The following ANKRD11 variants were observed in gnomAD, a reference collection of about 807,000 sequenced individuals.
ANKRD11 encodes the protein ankyrin repeat domain 11, also known as ankyrin repeat domain-containing protein 11.
A neutral mutation model predicts 195.7 loss-of-function variants in ANKRD11; 17 were observed. That is an observed-to-expected ratio of 0.09 (90% CI 0.06 to 0.13). The LOEUF is 0.13. ANKRD11 is among the 10% of genes least tolerant of loss of function. The pLI is 1.00. For synonymous variants in ANKRD11, 1,953 were observed against 1,528.1 expected (o/e 1.28, Z -6.49); for missense variants, 3,735 against 3,566.1 (o/e 1.05, Z -1.21).
At chr16:89,327,527 A>C (rs2037799191) in intron 2 of ANKRD11, among the ~76,000 whole-genome samples, 1 of 152,156 alleles carries the variant, frequency 6.6e-6, no homozygotes, top group Non-Finnish European at 1.5e-5. Context: ...CAGCAAGGAC[A>C]CAGAATCCAA....
intron 1 of ANKRD11, 37 bp from the exon 2 acceptor site, chr16:89,418,405 T>TTG (rs1292684033): frequency 4.7e-6 from 2 of 424,266 alleles, no homozygotes; most frequent in African/African-American, 4.1e-5. Context: ...ATGTCAATAA[T>TTG]AATTTCAGCC....
At position 89,380,529 on chromosome 16, in the gene ANKRD11, G is replaced by A. The variant is rs140090043; in HGVS notation, c.-60+37755C>T. Among the ~76,000 whole-genome samples, 128 of 150,512 alleles carry A rather than the reference G, an allele frequency of 8.5e-4. 3 individuals carry two copies. The East Asian group carries it at 0.022, about 26-fold the overall frequency. On this transcript the variant is annotated intron_variant, in intron 2 of 12. Transcript: ENST00000301030. ...AGCAGTCTCCACCTGCATAAGAAACGGGACACAGGGCACGAAGAGCAGCCC... is the reference window on the plus strand; with the variant it reads ...AGCAGTCTCCACCTGCATAAGAAACAGGACACAGGGCACGAAGAGCAGCCC...
intron 2 of ANKRD11, among the ~76,000 whole-genome samples, chr16:89,397,023 A>AT (rs4031015): frequency 0.073 from 10,697 of 147,140 alleles, 506 homozygotes; most frequent in East Asian, 0.21. Context: ...AAAATACAGG[A>AT]TTTTTTTTTT....
In ANKRD11 at chr16:89,334,849, T is replaced by C. The variant is rs184947264; in HGVS notation, c.-59-17771A>G. The stretch of plus-strand genomic sequence containing the variant: ...ACAACACACGGGGCGCACGTGTCCA[T>C]AGACAGCACACTGGATTCGAAGAGC... On this transcript the variant is annotated intron_variant, in intron 2 of 12. Coordinates refer to ENST00000301030, the MANE Select transcript of ANKRD11 (RefSeq NM_013275.6). Among the ~76,000 whole-genome samples the C allele has an allele frequency of 3.2e-3, 493 of 152,180 alleles. 2 individuals carry two copies. The highest frequency in any genetic ancestry group is 0.011 in the African/African-American group (472 of 41,514).
intron 2 of ANKRD11, among the ~76,000 whole-genome samples, chr16:89,407,142 G>C (rs910144106): frequency 6.6e-6 from 1 of 151,826 alleles, no homozygotes. Flanking sequence ...GTTGAGACGT[G>C]CCACTGCACT....
At chr16:89,388,027 A>AG (rs1404768932) in intron 2 of ANKRD11, among the ~76,000 whole-genome samples, 1 of 151,808 alleles carries the variant, frequency 6.6e-6, no homozygotes, top group Non-Finnish European at 1.5e-5. Context: ...AAAAAAAAAA[A>AG]GGACTGTGCT....
intron 2 of ANKRD11, among the ~76,000 whole-genome samples, chr16:89,376,053 C>T (rs1423807030): frequency 2.6e-5 from 4 of 152,198 alleles, no homozygotes; most frequent in South Asian, 4.1e-4. Context: ...AAGCCATCAC[C>T]GCAGCTACAG....
intron 1 of ANKRD11, among the ~76,000 whole-genome samples, chr16:89,450,978 G>C (rs2044043815): frequency 6.6e-6 from 1 of 152,176 alleles, no homozygotes; most frequent in East Asian, 1.9e-4. Flanking sequence ...AATCAGAGGT[G>C]ATCGGGGTGA....
At chr16:89,410,736 G>C (rs1174303013) in intron 2 of ANKRD11, among the ~76,000 whole-genome samples, 4 of 152,208 alleles carry the variant, frequency 2.6e-5, no homozygotes, top group Non-Finnish European at 2.9e-5. Flanking sequence ...AGCATCCTTG[G>C]ATTTACAAAG....
chr16:89,283,574 C>T lies in ANKRD11; in HGVS notation c.2968G>A (p.Asp990Asn), dbSNP rs2034435429. 3.1e-6 allele frequency: 5 copies of T among 1,610,634 alleles called. No individual in the cohort carries two copies. Among genetic ancestry groups the T allele is most frequent in the Non-Finnish European group, 1.7e-6 (2 of 1,180,022 alleles). ...GCESGFKDKS[D>N]GDFGKGLEPW... is the part of the protein sequence containing the mutation. Reference sequence around the variant, plus strand: ...TCCAGGCCCTTCCCAAAGTCGCCGTCGGACTTGTCCTTGAAGCCACTCTCG... The same window carrying T: ...TCCAGGCCCTTCCCAAAGTCGCCGTTGGACTTGTCCTTGAAGCCACTCTCG... Residue 990 changes from aspartate (D) to asparagine (N), a missense_variant, in exon 9 of 13, where the codon GAC becomes AAC. Transcript: ENST00000301030. This position sits in a 1 kb window ranked among gnomAD's most constrained non-coding sequence, Gnocchi z 4.3.
At chr16:89,299,696 C>G (rs115298459) in intron 4 of ANKRD11, 5 of 96,274 alleles carry the variant, frequency 5.2e-5, no homozygotes, top group Non-Finnish European at 7.4e-5. Flanking sequence ...GTGTGGGATG[C>G]CTGCCCTGTG....
chr16:89,334,421 G>T (rs544261082), intron 2 of ANKRD11, among the ~76,000 whole-genome samples: 7 of 152,184 alleles, frequency 4.6e-5, no homozygotes, highest in African/African-American at 1.7e-4. Context: ...ACCCCTCCAA[G>T]CCTGCCATTC....
chr16:89,376,115 G>T (rs914580462), intron 2 of ANKRD11, among the ~76,000 whole-genome samples: 5 of 152,174 alleles, frequency 3.3e-5, no homozygotes, highest in Non-Finnish European at 7.3e-5. Context: ...CACTGAAAAC[G>T]CAGCTTTAAA....
intron 2 of ANKRD11, among the ~76,000 whole-genome samples, chr16:89,389,865 G>C (rs1395559411): frequency 7.3e-6 from 1 of 136,180 alleles, no homozygotes; most frequent in Non-Finnish European, 1.6e-5. Flanking sequence ...AGAGAAAGAA[G>C]ATCACTGGGG....
intron 1 of ANKRD11, among the ~76,000 whole-genome samples, chr16:89,425,588 G>A (rs1183659784): frequency 6.6e-6 from 1 of 152,172 alleles, no homozygotes. Context: ...CCATTCTCCT[G>A]ACCTCGGTCG....
At chr16:89,443,236 A>T (rs1175950925) in intron 1 of ANKRD11, 1 of 152,142 alleles carries the variant, frequency 6.6e-6, no homozygotes, top group Non-Finnish European at 1.5e-5. Flanking sequence ...AAGTGCTGGG[A>T]TTACAGGTGT....
chr16:89,363,252 C>G (rs1369567158), intron 2 of ANKRD11, among the ~76,000 whole-genome samples: 1 of 152,130 alleles, frequency 6.6e-6, no homozygotes, highest in Non-Finnish European at 1.5e-5. Flanking sequence ...TTCCTATACT[C>G]TGCCTTCTGA....
At chr16:89,440,265 C>G (rs1387102044) in intron 1 of ANKRD11, among the ~76,000 whole-genome samples, 3 of 152,060 alleles carry the variant, frequency 2.0e-5, no homozygotes, top group African/African-American at 7.2e-5. Context: ...GTACATGTTC[C>G]CCTGGGGGGA....
chr16:89,452,193 G>A (rs1299888455), intron 1 of ANKRD11, among the ~76,000 whole-genome samples: 1 of 151,742 alleles, frequency 6.6e-6, no homozygotes, highest in Admixed American at 6.6e-5. Flanking sequence ...GGGAGGTGGA[G>A]GTTGCAGTAA....
Sources: gnomAD v4.1 joint callset for allele counts (sites outside exome capture counted in the v4.1 genomes callset) on GRCh38, gnomAD v4.1.1 for gene constraint, Gnocchi (gnomAD v3.1) non-coding constraint, MANE v1.5 for transcripts, NCBI Gene and HGNC (gene_info 2026-07-23, HGNC 2026-07-21) for gene names.